ARAP2: variants seen among roughly 807,000 people sequenced by gnomAD.
ARAP2 encodes the protein arf-GAP with Rho-GAP domain, ANK repeat and PH domain-containing protein 2.
A neutral mutation model predicts 194.5 loss-of-function variants in ARAP2; 148 were observed. The observed-to-expected ratio is 0.76, with a 90% confidence interval of 0.67 to 0.87. The LOEUF (loss-of-function observed/expected upper bound fraction) is 0.87. ARAP2 is among the 40% of genes least tolerant of loss of function. The probability of loss-of-function intolerance (pLI) is 0.00; values close to 1 mark genes in which losing one functional copy is unlikely to be tolerated. For synonymous variants in ARAP2, 695 were observed against 683.5 expected (o/e 1.02, Z -0.26); for missense variants, 2,128 against 1,989.7 (o/e 1.07, Z -1.32).
intron 27 of ARAP2, among the ~76,000 whole-genome samples, chr4:36,105,110 A>C (rs78726320): frequency 2.0e-5 from 3 of 152,036 alleles, no homozygotes; most frequent in Non-Finnish European, 4.4e-5. Context: ...ACTTGAGGTC[A>C]GCAATTCGAG....
At chr4:36,008,131 C>T (rs902670228) in intron 9 of ARAP2, among the ~76,000 whole-genome samples, 5 of 152,054 alleles carry the variant, frequency 3.3e-5, no homozygotes, top group Admixed American at 2.0e-4. Context: ...AAACAATTTA[C>T]AGATTTAATG....
intron 3 of ARAP2, among the ~76,000 whole-genome samples, chr4:36,050,347 T>C (rs1215229505): frequency 6.6e-6 from 1 of 152,178 alleles, no homozygotes; most frequent in Non-Finnish European, 1.5e-5. Flanking sequence ...AGCCAATTAG[T>C]ATAAAATTAG....
At position 36,158,825 on chromosome 4, in the gene ARAP2, C is replaced by T. The variant is rs1344894633; in HGVS notation, c.2657G>A (p.Ser886Asn). The change falls in exon 15 of 33, where the codon AGT (serine) becomes AAT (asparagine). Residue 886 changes from serine (S) to asparagine (N), a missense_variant. By Grantham distance (46) the Ser-to-Asn change is conservative. Transcript: ENST00000303965. ...GAATGTGGACTGGGAAGACTCTTGACTTAATACACCCTCGGAATGAATATC... is the reference window on the plus strand; with the variant it reads ...GAATGTGGACTGGGAAGACTCTTGATTTAATACACCCTCGGAATGAATATC... ...QHDIHSEGVL[S>N]QESSQSTFLC... 6 of 1,610,464 alleles carry T rather than the reference C, an allele frequency of 3.7e-6. No individual in the cohort carries two copies. Among genetic ancestry groups the T allele is most frequent in the Non-Finnish European group, 5.1e-6 (6 of 1,178,930 alleles).
intron 6 of ARAP2, among the ~76,000 whole-genome samples, chr4:36,196,492 A>C (rs1161010785): frequency 6.6e-6 from 1 of 152,148 alleles, no homozygotes; most frequent in Non-Finnish European, 1.5e-5. Context: ...TCTCCCAATT[A>C]TTTTAATTTT....
intron 5 of ARAP2, among the ~76,000 whole-genome samples, chr4:36,030,512 GT>G (rs1718741875): frequency 6.6e-6 from 1 of 151,666 alleles, no homozygotes; most frequent in Non-Finnish European, 1.5e-5. Flanking sequence ...GGATTGTTTT[GT>G]TTTTCTTCTT....
chr4:36,031,858 G>A (rs1016023411), intron 5 of ARAP2, among the ~76,000 whole-genome samples: 47 of 151,828 alleles, frequency 3.1e-4, no homozygotes, highest in African/African-American at 1.1e-3. Flanking sequence ...TAGTAGAAAC[G>A]GGGTTTCGCC....
chr4:36,174,581 C>T (rs1004487714), intron 9 of ARAP2, among the ~76,000 whole-genome samples: 2 of 152,144 alleles, frequency 1.3e-5, no homozygotes, highest in African/African-American at 4.8e-5. Flanking sequence ...GTTTTTGGCT[C>T]ATCCATCACA....
intron 19 of ARAP2, among the ~76,000 whole-genome samples, chr4:36,138,386 T>C (rs1026371065): frequency 2.0e-5 from 3 of 151,726 alleles, no homozygotes; most frequent in African/African-American, 7.2e-5. Flanking sequence ...CCACCCACAA[T>C]CTTAGGCAAG....
chr4:36,119,849 A>T (rs948159112), intron 23 of ARAP2, 131 bp from the exon 24 acceptor site: 8 of 575,838 alleles, frequency 1.4e-5, no homozygotes, highest in Non-Finnish European at 2.4e-5. Flanking sequence ...ATCGGAATCA[A>T]TATGAGCCCA....
intron 2 of ARAP2, among the ~76,000 whole-genome samples, chr4:36,055,603 G>A (rs558307430): frequency 1.6e-4 from 25 of 151,628 alleles, no homozygotes; most frequent in African/African-American, 5.8e-4. Flanking sequence ...TCACTCTGTC[G>A]CCCAGGCTGG....
chr4:36,082,028 C>T (rs892980246), intron 30 of ARAP2, among the ~76,000 whole-genome samples: 3 of 152,036 alleles, frequency 2.0e-5, no homozygotes, highest in Non-Finnish European at 4.4e-5. Context: ...AGAAATCAGG[C>T]GTAGTTTCAC....
At chr4:36,076,377 A>G (rs1728254971) in intron 31 of ARAP2, among the ~76,000 whole-genome samples, 1 of 151,748 alleles carries the variant, frequency 6.6e-6, no homozygotes, top group Non-Finnish European at 1.5e-5. Context: ...GCAAGTACAC[A>G]CTCCCCCATC....
rs765273201 is a variant in ARAP2 at position 36,091,948 on chromosome 4, C to T, written c.4358G>A (p.Gly1453Glu). The T allele has an allele frequency of 1.2e-6, 2 of 1,608,320 alleles. No homozygotes were observed. The highest frequency in any genetic ancestry group is 2.2e-5 in the South Asian group (2 of 90,468). Residue 1453 changes from glycine (G) to glutamate (E), a missense_variant, in exon 28 of 33, where the codon GGA becomes GAA. By Grantham distance (98) the Gly-to-Glu change is moderately conservative (BLOSUM62 -2). Coordinates refer to ENST00000303965, the MANE Select transcript of ARAP2 (RefSeq NM_015230.4). ...IKEEPSKILS[G>E]NKFQDRYFVL... Reference sequence around the variant, plus strand: ...AAAATACCGGTCTTGAAACTTATTTCCAGATAGTATTTTGGATGGTTCTTC... The same window carrying T: ...AAAATACCGGTCTTGAAACTTATTTTCAGATAGTATTTTGGATGGTTCTTC...
chr4:36,087,305 T>C (rs1172862503), intron 28 of ARAP2, among the ~76,000 whole-genome samples: 1 of 152,126 alleles, frequency 6.6e-6, no homozygotes, highest in African/African-American at 2.4e-5. Flanking sequence ...ATCTCTCATC[T>C]GCTTTTCAAA....
rs1291382413 is a variant in ARAP2, at chr4:36,067,830, A to G, written c.*77T>C. On this transcript the variant is annotated 3_prime_UTR_variant, in exon 33 of 33. Transcript: ENST00000303965. ...GGCAAATTCTTATGAATTATCTTAT[A>G]GTTCAGTTTTGGAGTTACACATAAA... is the stretch of plus-strand genomic sequence containing the variant. 3.4e-5 allele frequency: 50 copies of G among 1,461,624 alleles called. No individual in the cohort carries two copies. The highest frequency in any genetic ancestry group is 7.1e-5 in the African/African-American group (5 of 70,528). The allele number at this position is 1,461,624 out of a possible 1,614,324, so 90.5% of individuals were successfully genotyped here.
intron 1 of ARAP2, among the ~76,000 whole-genome samples, chr4:36,237,710 A>T (rs1047159380): frequency 1.3e-5 from 2 of 152,144 alleles, no homozygotes; most frequent in Non-Finnish European, 2.9e-5. Context: ...GAGCCAAATA[A>T]ATCAATTTTC....
intron 1 of ARAP2, among the ~76,000 whole-genome samples, chr4:36,231,322 G>A (rs556366780): frequency 2.0e-5 from 3 of 151,680 alleles, no homozygotes; most frequent in East Asian, 1.9e-4. Context: ...GAGACAGAGC[G>A]AGACTTCATC....
At chr4:36,110,551 T>G (rs1341922050) in intron 26 of ARAP2, among the ~76,000 whole-genome samples, 1 of 151,876 alleles carries the variant, frequency 6.6e-6, no homozygotes, top group East Asian at 1.9e-4. Context: ...GGGTTCGGAT[T>G]TAAGGTAAAG....
chr4:36,039,254 AAAAT>A (rs1395623312), intron 5 of ARAP2, among the ~76,000 whole-genome samples: 1 of 152,172 alleles, frequency 6.6e-6, no homozygotes, highest in Admixed American at 6.5e-5. Flanking sequence ...ACAAAGGCAA[AAAAT>A]AAACCATTTC....
Sources: gnomAD v4.1 joint callset for allele counts (sites outside exome capture counted in the v4.1 genomes callset) on GRCh38, gnomAD v4.1.1 for gene constraint, MANE v1.5 for transcripts, NCBI Gene and HGNC (gene_info 2026-07-23, HGNC 2026-07-21) for gene names.